The following ZC2HC1A variants were observed in gnomAD, a reference collection of about 807,000 sequenced individuals.
ZC2HC1A encodes the protein zinc finger C2HC domain-containing protein 1A.
ZC2HC1A carries 28 observed loss-of-function variants against 40.7 expected under a neutral mutation model. That is an observed-to-expected ratio of 0.69 (90% CI 0.51 to 0.94). The LOEUF is 0.94. Among genes scored for constraint, ZC2HC1A ranks in the 40% least tolerant of loss-of-function variants. The pLI, the probability that ZC2HC1A is intolerant of heterozygous loss-of-function variation, is 0.00. For synonymous variants in ZC2HC1A, 129 were observed against 129.2 expected (o/e 1.00, Z 0.01); for missense variants, 389 against 386.3 (o/e 1.01, Z -0.06).
At chr8:78,689,461 CTA>C in intron 5 of ZC2HC1A, 88 bp downstream of exon 5, 1 of 1,252,262 alleles carries the variant, frequency 8.0e-7, no homozygotes, top group Non-Finnish European at 1.1e-6. Flanking sequence ...TGACATTAGA[CTA>C]TATTTTTCTC....
intron 3 of ZC2HC1A, among the ~76,000 whole-genome samples, chr8:78,682,455 C>T (rs542632001): frequency 6.6e-5 from 10 of 152,094 alleles, no homozygotes; most frequent in African/African-American, 1.4e-4. Context: ...TCTTACATGG[C>T]GGCAGACAAG....
At chr8:78,715,174 A>G (rs756481130) in intron 7 of ZC2HC1A, 47 bp from the exon 8 acceptor site, 95 of 1,529,210 alleles carry the variant, frequency 6.2e-5, no homozygotes, top group Non-Finnish European at 7.4e-5. Context: ...TGAGAAATAC[A>G]TGCTCACTGT....
At chr8:78,676,329 T>C (rs1336902659) in intron 2 of ZC2HC1A, among the ~76,000 whole-genome samples, 1 of 151,964 alleles carries the variant, frequency 6.6e-6, no homozygotes, top group Non-Finnish European at 1.5e-5. Context: ...TCAGCTCTTA[T>C]TTATGTTTGA....
chr8:78,687,711 T>TTC (rs1563626842), intron 4 of ZC2HC1A, among the ~76,000 whole-genome samples: 25 of 94,508 alleles, frequency 2.6e-4, no homozygotes, highest in South Asian at 3.2e-4. Flanking sequence ...ATTATATATA[T>TTC]ATTTACGTAA....
intron 5 of ZC2HC1A, among the ~76,000 whole-genome samples, chr8:78,692,061 C>G (rs1453329019): frequency 6.6e-6 from 1 of 152,108 alleles, no homozygotes; most frequent in South Asian, 2.1e-4. Context: ...AATTTTTTCT[C>G]TTTGCAATTT....
intron 7 of ZC2HC1A, among the ~76,000 whole-genome samples, chr8:78,712,846 CTTAG>C (rs1251798586): frequency 8.5e-5 from 13 of 152,120 alleles, no homozygotes; most frequent in Non-Finnish European, 1.5e-4. Flanking sequence ...AGCAGAGTAA[CTTAG>C]TTAACTTTTA....
chr8:78,687,154 T>A (rs566877262), intron 4 of ZC2HC1A, among the ~76,000 whole-genome samples: 31 of 152,164 alleles, frequency 2.0e-4, no homozygotes, highest in African/African-American at 7.2e-4. Flanking sequence ...TTTTGCAACC[T>A]TGTATGAGAT....
Position 78,678,611 on chromosome 8 carries a change from A to G in ZC2HC1A, c.142A>G (p.Thr48Ala). 6.2e-7 allele frequency: 1 copy of G among 1,612,650 alleles called. No homozygotes were observed. The highest frequency in any genetic ancestry group is 8.5e-7 in the Non-Finnish European group (1 of 1,179,354). ...CQKTATKKRK[T>A]FDSSRQRAEG... ...GAAGACTGCAACTAAAAAACGGAAG[A>G]CTTTTGATTCAAGCAGACAGAGAGC... Residue 48 changes from threonine (T) to alanine (A), a missense_variant, in exon 3 of 9, where the codon ACT becomes GCT. Coordinates refer to ENST00000263849, the MANE Select transcript of ZC2HC1A (RefSeq NM_016010.3).
At chr8:78,694,745 T>A (rs1810343536) in intron 5 of ZC2HC1A, among the ~76,000 whole-genome samples, 1 of 152,186 alleles carries the variant, frequency 6.6e-6, no homozygotes, top group Non-Finnish European at 1.5e-5. Context: ...ATTTCATTAG[T>A]CATTAGTCTT....
intron 4 of ZC2HC1A, among the ~76,000 whole-genome samples, chr8:78,687,711 TA>T (rs1810050861): frequency 1.1e-5 from 1 of 94,508 alleles, no homozygotes; most frequent in Non-Finnish European, 2.2e-5. Context: ...ATTATATATA[TA>T]TTTACGTAAT....
intron 3 of ZC2HC1A, among the ~76,000 whole-genome samples, chr8:78,682,537 C>G (rs747809842): frequency 9.9e-5 from 15 of 152,088 alleles, no homozygotes; most frequent in Non-Finnish European, 1.9e-4. Flanking sequence ...GAGCACAACA[C>G]AGGAAAAACC....
At chr8:78,670,310 C>T (rs1809408045) in intron 1 of ZC2HC1A, among the ~76,000 whole-genome samples, 2 of 151,998 alleles carry the variant, frequency 1.3e-5, no homozygotes, top group Non-Finnish European at 2.9e-5. Flanking sequence ...ATAATGTCTC[C>T]CTGCAGTTCA....
chr8:78,688,976 T>C (rs1810116366), intron 4 of ZC2HC1A, among the ~76,000 whole-genome samples: 1 of 152,026 alleles, frequency 6.6e-6, no homozygotes. Context: ...TTTTGTTTTT[T>C]TTCCTTCACA....
chr8:78,697,913 C>T (rs963829964), intron 6 of ZC2HC1A, among the ~76,000 whole-genome samples: 40 of 152,160 alleles, frequency 2.6e-4, no homozygotes, highest in Non-Finnish European at 3.5e-4. Flanking sequence ...CTCCTGAACT[C>T]GTGATCCCCC....
intron 5 of ZC2HC1A, among the ~76,000 whole-genome samples, chr8:78,693,074 T>C (rs1479009280): frequency 6.6e-6 from 1 of 152,114 alleles, no homozygotes; most frequent in Non-Finnish European, 1.5e-5. Context: ...TCATTTTTTA[T>C]GGCTGCATAG....
At chr8:78,678,759 G>A in intron 3 of ZC2HC1A, 80 bp downstream of exon 3, 2 of 917,740 alleles carry the variant, frequency 2.2e-6, no homozygotes, top group South Asian at 2.3e-5. Flanking sequence ...TTACAGTAAG[G>A]TTAAGAATAA....
chr8:78,715,548 G>A (rs1811075283), intron 8 of ZC2HC1A, among the ~76,000 whole-genome samples: 1 of 152,196 alleles, frequency 6.6e-6, no homozygotes, highest in South Asian at 2.1e-4. Flanking sequence ...AAGAACGTAT[G>A]TGATTTATGG....
At chr8:78,692,220 A>G (rs77958574) in intron 5 of ZC2HC1A, among the ~76,000 whole-genome samples, 3,258 of 152,158 alleles carry the variant, frequency 0.021, 119 homozygotes, top group African/African-American at 0.068. Flanking sequence ...AGCCTCTGGT[A>G]CTACCATTCA....
chr8:78,686,435 A>G (rs76375571), intron 3 of ZC2HC1A, 32 bp from the exon 4 acceptor site: 65 of 58,180 alleles, frequency 1.1e-3, no homozygotes, highest in Admixed American at 2.7e-3. Flanking sequence ...CTGTTTGTTT[A>G]TTTATTTATT....
Sources: allele counts gnomAD v4.1 joint callset (sites outside exome capture counted in the v4.1 genomes callset), GRCh38; gene constraint gnomAD v4.1.1; transcripts MANE v1.5; gene names NCBI Gene and HGNC (gene_info 2026-07-23, HGNC 2026-07-21).